RSPH14: variants seen among roughly 807,000 people sequenced by gnomAD.
The protein encoded by RSPH14 is rhabdoid tumor deletion region gene 1.
A neutral mutation model predicts 26.7 loss-of-function variants in RSPH14; 20 were observed. The observed-to-expected ratio is 0.75, with a 90% confidence interval of 0.53 to 1.09. The LOEUF (loss-of-function observed/expected upper bound fraction) is 1.09, where lower values mean the gene tolerates loss of function less well. RSPH14 is among the 50% of genes least tolerant of loss of function. The pLI is 0.00. For synonymous variants in RSPH14, 177 were observed against 189.3 expected, an observed-to-expected ratio of 0.93 and a Z score of 0.53; for missense variants, 449 against 457.2, an observed-to-expected ratio of 0.98 and a Z score of 0.16.
chr22:23,167,745 G>T, the RSPH14 span, among the ~76,000 whole-genome samples: 17 of 151,580 alleles, frequency 1.1e-4, no homozygotes, highest in African/African-American at 3.6e-4. Flanking sequence ...CCAGGGTCTC[G>T]CTGTGTTGCC....
At chr22:23,069,697 A>T (rs1379199931) in intron 4 of RSPH14, among the ~76,000 whole-genome samples, 1 of 152,130 alleles carries the variant, frequency 6.6e-6, no homozygotes, top group Non-Finnish European at 1.5e-5. Context: ...GAGCCCCTAG[A>T]CACTGGGCGG....
At chr22:23,145,854 G>C (rs948430167), upstream of RSPH14, 1 of 485,262 alleles carries the variant, frequency 2.1e-6, no homozygotes, top group Non-Finnish European at 2.7e-6. Context: ...TGTTGAGGAG[G>C]CTCGAGGAGT....
the RSPH14 span, chr22:23,159,339 C>T: frequency 2.3e-6 from 3 of 1,296,708 alleles, no homozygotes; most frequent in East Asian, 2.5e-5. Flanking sequence ...GTGTTTCCCT[C>T]TGTAGCCAGT....
At chr22:23,161,835 CCA>C in the RSPH14 span, 1 of 466,598 alleles carries the variant, frequency 2.1e-6, no homozygotes, top group Admixed American at 3.7e-5. Flanking sequence ...CCATAAAAGG[CCA>C]GTCCATTTGC....
At position 23,063,906 on chromosome 22, in the gene RSPH14, C is replaced by A. The variant is rs145362605; in HGVS notation, c.649G>T (p.Val217Phe). 3.7e-5 allele frequency: 60 copies of A among 1,613,950 alleles called. No individual in the cohort carries two copies. The Admixed American group carries it at 9.2e-4, about 25-fold the overall frequency. ...RSKAARALLN[V>F]SISREGKKQV... ...CCAGCCTAGGCCAGGCCTCACCTGACATTAAGGAGCGCACGGGCGGCCTTG... is the reference window on the plus strand; with the variant it reads ...CCAGCCTAGGCCAGGCCTCACCTGAAATTAAGGAGCGCACGGGCGGCCTTG... Residue 217 changes from valine to phenylalanine, a missense_variant, in exon 5 of 7, where the codon GTC (valine) becomes TTC (phenylalanine). Transcript: ENST00000216036.
At chr22:23,111,371 AC>A (rs2069654358) in intron 4 of RSPH14, among the ~76,000 whole-genome samples, 2 of 152,128 alleles carry the variant, frequency 1.3e-5, no homozygotes, top group African/African-American at 4.8e-5. Flanking sequence ...AGCGCACTGG[AC>A]TCGGTTCCGC....
At chr22:23,068,977 C>T (rs926533717) in intron 4 of RSPH14, among the ~76,000 whole-genome samples, 2 of 152,218 alleles carry the variant, frequency 1.3e-5, no homozygotes, top group Non-Finnish European at 2.9e-5. Context: ...GCACTAAGTT[C>T]GCCTCCATGA....
At chr22:23,172,803 A>T in the RSPH14 span, among the ~76,000 whole-genome samples, 1 of 151,340 alleles carries the variant, frequency 6.6e-6, no homozygotes, top group Admixed American at 6.6e-5. Context: ...ACAAAAAATT[A>T]GCCGGGTGTG....
chr22:23,168,439 T>C, the RSPH14 span, among the ~76,000 whole-genome samples: 1 of 152,032 alleles, frequency 6.6e-6, no homozygotes, highest in East Asian at 1.9e-4. Context: ...GGACCCCTCC[T>C]CTCCTGAGGG....
At chr22:23,125,191 C>T (rs986495124) in intron 4 of RSPH14, among the ~76,000 whole-genome samples, 1 of 152,134 alleles carries the variant, frequency 6.6e-6, no homozygotes, top group Non-Finnish European at 1.5e-5. Context: ...TTGCAATGAA[C>T]ATCACAAATA....
chr22:23,125,351 G>A (rs1215353053), intron 4 of RSPH14, among the ~76,000 whole-genome samples: 2 of 151,878 alleles, frequency 1.3e-5, no homozygotes, highest in African/African-American at 4.8e-5. Context: ...GCCATACCCT[G>A]GACCCCTCCC....
chr22:23,064,174 C>T (rs961763249), intron 4 of RSPH14, 41 bp from the exon 5 acceptor site: 2 of 1,564,854 alleles, frequency 1.3e-6, no homozygotes, highest in South Asian at 1.1e-5. Context: ...GCTGGCCACA[C>T]ACCCACCCAC....
the RSPH14 span, among the ~76,000 whole-genome samples, chr22:23,157,208 C>T: frequency 3.3e-5 from 5 of 151,878 alleles, no homozygotes; most frequent in Non-Finnish European, 7.4e-5. Context: ...ACCATCACTG[C>T]TGTAGCTGCT....
At chr22:23,174,461 C>T in the RSPH14 span, among the ~76,000 whole-genome samples, 1 of 151,980 alleles carries the variant, frequency 6.6e-6, no homozygotes, top group African/African-American at 2.4e-5. Context: ...ACTCAGAGAA[C>T]AAGGGAAATT....
chr22:23,106,544 C>T (rs2069483006), intron 4 of RSPH14, among the ~76,000 whole-genome samples: 1 of 152,136 alleles, frequency 6.6e-6, no homozygotes, highest in African/African-American at 2.4e-5. Flanking sequence ...TGAAGACTGG[C>T]CCAGCAGCAC....
At chr22:23,106,843 C>A (rs930636790) in intron 4 of RSPH14, among the ~76,000 whole-genome samples, 1 of 152,232 alleles carries the variant, frequency 6.6e-6, no homozygotes, top group Non-Finnish European at 1.5e-5. Context: ...GGCCTTCTGA[C>A]CTGGACATCC....
At chr22:23,156,194 T>G in the RSPH14 span, 1 of 610,776 alleles carries the variant, frequency 1.6e-6, no homozygotes, top group Non-Finnish European at 2.9e-6. Context: ...GGAAGCTGCC[T>G]TCATCCCCAG....
At chr22:23,158,313 T>C in the RSPH14 span, among the ~76,000 whole-genome samples, 6 of 152,342 alleles carry the variant, frequency 3.9e-5, no homozygotes, top group African/African-American at 1.4e-4. Context: ...CCTGCTTTAA[T>C]ACACTGCCTT....
intron 4 of RSPH14, among the ~76,000 whole-genome samples, chr22:23,093,062 C>A (rs2069030859): frequency 6.6e-6 from 1 of 152,234 alleles, no homozygotes; most frequent in East Asian, 1.9e-4. Context: ...GGAGCAGCCA[C>A]AGGGTCTCCA....
Sources: allele counts gnomAD v4.1 joint callset (sites outside exome capture counted in the v4.1 genomes callset), GRCh38; gene constraint gnomAD v4.1.1; transcripts MANE v1.5; gene names NCBI Gene and HGNC (gene_info 2026-07-23, HGNC 2026-07-21).